The following GLI2 variants were observed in gnomAD, a reference collection of about 807,000 sequenced individuals.
GLI2 encodes the protein GLI family zinc finger 2, also known as transcription activator GLI2.
GLI2 carries 22 observed loss-of-function variants against 78.9 expected under a neutral mutation model. The ratio of observed to expected loss-of-function variants is 0.28; its 90% confidence interval spans 0.20 to 0.40. The LOEUF (loss-of-function observed/expected upper bound fraction) is 0.40. Among genes scored for constraint, GLI2 ranks in the 10% least tolerant of loss-of-function variants. The pLI is 1.00. For missense variants in GLI2, 2,097 were observed against 2,213.2 expected, an observed-to-expected ratio of 0.95 and a Z score of 1.05; for synonymous variants, 974 against 963.7, an observed-to-expected ratio of 1.01 and a Z score of -0.20.
At chr2:120,895,809 T>C (rs1467836626) in intron 2 of GLI2, among the ~76,000 whole-genome samples, 1 of 152,266 alleles carries the variant, frequency 6.6e-6, no homozygotes, top group African/African-American at 2.4e-5. Context: ...GTCTGGTCAC[T>C]GGTCTCCCCT....
chr2:120,880,512 T>C (rs1256523772), intron 2 of GLI2, among the ~76,000 whole-genome samples: 1 of 152,114 alleles, frequency 6.6e-6, no homozygotes, highest in African/African-American at 2.4e-5. Flanking sequence ...CTCCACCACC[T>C]GTTCCAGCCC....
intron 5 of GLI2, among the ~76,000 whole-genome samples, chr2:120,956,869 C>T (rs1228179084): frequency 2.0e-5 from 3 of 152,130 alleles, no homozygotes; most frequent in Admixed American, 6.5e-5. Flanking sequence ...CACCCCGACC[C>T]GCCCCCAGGG....
chr2:120,990,301 C>T lies in GLI2; in HGVS notation c.4336C>T (p.Leu1446Phe). The T allele has an allele frequency of 6.2e-7, 1 of 1,613,760 alleles. No homozygotes were observed. Among genetic ancestry groups the T allele is most frequent in the Non-Finnish European group, 8.5e-7 (1 of 1,180,028 alleles). Residue 1446 changes from leucine (L) to phenylalanine (F), a missense_variant, in exon 14 of 14, where the codon CTC becomes TTC. By Grantham distance (22) the Leu-to-Phe change is conservative (BLOSUM62 0). Coordinates refer to ENST00000361492, the MANE Select transcript of GLI2 (RefSeq NM_001374353.1). ...MYEQDGGLEN[L>F]GSCQVMRSQP... ...CGAACAGGATGGAGGCCTGGAGAAC[C>T]TCGGGAGCTGCCAGGTCATGCGGTC...
At chr2:120,889,663 C>T (rs1677586764) in intron 2 of GLI2, among the ~76,000 whole-genome samples, 1 of 151,690 alleles carries the variant, frequency 6.6e-6, no homozygotes, top group South Asian at 2.1e-4. Flanking sequence ...AGAAAATGGG[C>T]AAAAAACAGA....
chr2:120,783,845 G>A (rs192623065), intron 1 of GLI2, among the ~76,000 whole-genome samples: 1 of 152,284 alleles, frequency 6.6e-6, no homozygotes, highest in Admixed American at 6.5e-5. Context: ...CATTTCAATC[G>A]GTTGCTCTTG....
chr2:120,902,185 A>ACCCCCCCCCCCCCCCCCCCC (rs11358856), intron 2 of GLI2, among the ~76,000 whole-genome samples: 8 of 116,338 alleles, frequency 6.9e-5, no homozygotes, highest in South Asian at 5.9e-4. Flanking sequence ...ATTGACACCC[A>ACCCCCCCCCCCCCCCCCCCC]CCCCCCCCCA....
At chr2:120,937,353 G>A (rs923785329) in intron 3 of GLI2, among the ~76,000 whole-genome samples, 1 of 152,122 alleles carries the variant, frequency 6.6e-6, no homozygotes, top group African/African-American at 2.4e-5. Context: ...CACCTGAATA[G>A]TGTGCATTGC....
At chr2:120,933,491 G>A (rs922619219) in intron 3 of GLI2, among the ~76,000 whole-genome samples, 1 of 152,160 alleles carries the variant, frequency 6.6e-6, no homozygotes, top group African/African-American at 2.4e-5. Context: ...TCTGTACAAG[G>A]GCGAGAAGAG....
intron 1 of GLI2, among the ~76,000 whole-genome samples, chr2:120,776,020 G>A (rs1041600974): frequency 6.6e-6 from 1 of 152,226 alleles, no homozygotes; most frequent in Non-Finnish European, 1.5e-5. Context: ...CAGGGGCTGG[G>A]ATGGTCCCAT....
intron 1 of GLI2, among the ~76,000 whole-genome samples, chr2:120,765,989 C>G (rs1451650434): frequency 1.3e-5 from 2 of 152,200 alleles, no homozygotes; most frequent in Non-Finnish European, 2.9e-5. Context: ...GTGATAACGC[C>G]TGTTTTCTAA....
chr2:120,912,007 G>A lies in GLI2; in HGVS notation c.149-15354G>A, dbSNP rs542399293. 4.6e-5 allele frequency among the ~76,000 whole-genome samples: 7 copies of A among 152,288 alleles called. No individual in the cohort carries two copies. In the South Asian group the frequency reaches 1.5e-3, roughly 32 times the overall value. On this transcript the variant is annotated intron_variant, in intron 2 of 13. Transcript: ENST00000361492. ...GGCAGGACCTGGGGACCACCTGTCA[G>A]TCACTCAGACCCTCCTCCTGGTCCC... is the stretch of plus-strand genomic sequence containing the variant.
chr2:120,890,727 G>A (rs561980519), intron 2 of GLI2, among the ~76,000 whole-genome samples: 3 of 152,302 alleles, frequency 2.0e-5, no homozygotes, highest in Admixed American at 6.5e-5. Flanking sequence ...ATTACGTCAC[G>A]TGTCTTCACT....
rs187027385 is a variant in GLI2 at position 120,972,743 on chromosome 2, G to T, written c.1182+680G>T. On this transcript the variant is annotated intron_variant, in intron 8 of 13. Transcript: ENST00000361492. ...TTTGAGTCAGTGAGTGGCGTGGTGA[G>T]GGGGGAAGACAGGACAAGTTCAAGC... is the stretch of plus-strand genomic sequence containing the variant. 3 of 509,502 alleles carry T rather than the reference G, an allele frequency of 5.9e-6. No individual in the cohort carries two copies. In the East Asian group the frequency reaches 1.7e-4, roughly 28 times the overall value. 31.6% of individuals were successfully genotyped at this position (509,502 alleles called of 1,614,324 possible).
chr2:120,748,007 C>T (rs976576086), intron 1 of GLI2, among the ~76,000 whole-genome samples: 1 of 152,240 alleles, frequency 6.6e-6, no homozygotes, highest in Admixed American at 6.5e-5. Flanking sequence ...GCTGTAGGCA[C>T]ACCTTGCTAA....
chr2:120,747,292 T>C (rs577288427), intron 1 of GLI2, among the ~76,000 whole-genome samples: 1 of 152,338 alleles, frequency 6.6e-6, no homozygotes, highest in African/African-American at 2.4e-5. Context: ...GCCTTCTGCA[T>C]GCTCAGACAC....
chr2:120,736,842 GC>G (rs1682373566), intron 1 of GLI2, among the ~76,000 whole-genome samples: 1 of 97,356 alleles, frequency 1.0e-5, no homozygotes, highest in Non-Finnish European at 2.1e-5. Context: ...CGGCCCGGCC[GC>G]CCCCTCCCCC....
intron 2 of GLI2, among the ~76,000 whole-genome samples, chr2:120,892,417 T>C (rs935958424): frequency 3.3e-5 from 5 of 152,184 alleles, no homozygotes; most frequent in African/African-American, 1.2e-4. Flanking sequence ...AGTGGGTGCA[T>C]AAATCCTGCT....
At chr2:120,915,066 T>C (rs1679026525) in intron 2 of GLI2, among the ~76,000 whole-genome samples, 1 of 152,196 alleles carries the variant, frequency 6.6e-6, no homozygotes. Context: ...CTCCTCACCC[T>C]GGAATGTGCA....
intron 2 of GLI2, among the ~76,000 whole-genome samples, chr2:120,855,609 GC>G (rs1012449627): frequency 3.3e-5 from 5 of 152,212 alleles, no homozygotes; most frequent in African/African-American, 1.2e-4. Context: ...AAACCGTGGA[GC>G]CCCCCAGGGG....
Sources: allele counts gnomAD v4.1 joint callset (sites outside exome capture counted in the v4.1 genomes callset), GRCh38; gene constraint gnomAD v4.1.1; transcripts MANE v1.5; gene names NCBI Gene and HGNC (gene_info 2026-07-23, HGNC 2026-07-21).